Variants in FOLR3 observed in about 807,000 individuals in gnomAD.
FOLR3 encodes the protein folate receptor gamma.
FOLR3 carries 9 observed loss-of-function variants against 20.0 expected under a neutral mutation model. The ratio of observed to expected loss-of-function variants is 0.45; its 90% confidence interval spans 0.27 to 0.79. The LOEUF is 0.79. FOLR3 is among the 30% of genes least tolerant of loss of function. The pLI, the probability that FOLR3 is intolerant of heterozygous loss-of-function variation, is 0.15. For synonymous variants in FOLR3, 124 were observed against 115.5 expected, an observed-to-expected ratio of 1.07 and a Z score of -0.47; for missense variants, 309 against 323.5, an observed-to-expected ratio of 0.96 and a Z score of 0.34.
intron 4 of FOLR3, 43 bp from the exon 5 acceptor site, chr11:72,139,544 G>A (rs376092755): frequency 2.0e-4 from 327 of 1,612,790 alleles, no homozygotes; most frequent in African/African-American, 3.1e-4. Flanking sequence ...GGAGGGGTGC[G>A]GTCTGGCCCA....
chr11:72,137,911 A>G (rs1488404170), intron 2 of FOLR3, among the ~76,000 whole-genome samples: 1 of 152,048 alleles, frequency 6.6e-6, no homozygotes, highest in African/African-American at 2.4e-5. Context: ...TCCCTTCTAC[A>G]CACAGCCCAC....
intron 3 of FOLR3, 35 bp from the exon 4 acceptor site, chr11:72,139,312 G>A (rs1325995246): frequency 6.2e-7 from 1 of 1,603,484 alleles, no homozygotes; most frequent in Non-Finnish European, 8.5e-7. Context: ...TGAGATACGT[G>A]GCTGACAGGA....
At chr11:72,139,212 A>G (rs1350052471) in intron 3 of FOLR3, 63 bp downstream of exon 3, 14 of 1,569,782 alleles carry the variant, frequency 8.9e-6, no homozygotes, top group Non-Finnish European at 1.2e-5. Context: ...AGTTGCTGGC[A>G]GGGAGGGCTT....
rs1450315025 is a variant in FOLR3 at position 72,139,432 on chromosome 11, C to A, written c.443C>A (p.Thr148Asn). Residue 148 changes from threonine to asparagine, a missense_variant, in exon 4 of 5, where the codon ACC (threonine) becomes AAC (asparagine). Thr to Asn is a moderately conservative substitution (Grantham distance 65). Coordinates refer to ENST00000611028, the MANE Select transcript of FOLR3 (RefSeq NM_000804.4). ...DCERWWEDCR[T>N]SYTCKSNWHK... ...GAGCGCTGGTGGGAGGACTGTCGCACCTCCTACACCTGCAAAAGCAACTGG... is the reference window on the plus strand; with the variant it reads ...GAGCGCTGGTGGGAGGACTGTCGCAACTCCTACACCTGCAAAAGCAACTGG... 22 of 1,612,814 alleles carry A rather than the reference C, an allele frequency of 1.4e-5. No homozygotes were observed. Among genetic ancestry groups the A allele is most frequent in the Non-Finnish European group, 1.9e-5 (22 of 1,179,386 alleles).
At position 72,139,240 on chromosome 11, in the gene FOLR3, C is replaced by G. The variant is rs547251240; in HGVS notation, c.357+91C>G. 5.4e-4 allele frequency: 841 copies of G among 1,557,140 alleles called. 2 individuals are homozygous for G. Among genetic ancestry groups the G allele is most frequent in the Non-Finnish European group, 6.7e-4 (770 of 1,148,958 alleles). ...GAGGGCTTGGTCCAGGAATTCGGGT[C>G]TGAGGGTGGTGGACGCCCTGCCCCC... On this transcript the variant is annotated intron_variant, in intron 3 of 4. Coordinates refer to ENST00000611028, the MANE Select transcript of FOLR3 (RefSeq NM_000804.4).
chr11:72,137,736 C>A (rs113059621), intron 2 of FOLR3, among the ~76,000 whole-genome samples: 1 of 152,026 alleles, frequency 6.6e-6, no homozygotes, highest in African/African-American at 2.4e-5. Context: ...TCAGGTGATC[C>A]GCCCGCCTCC....
intron 2 of FOLR3, among the ~76,000 whole-genome samples, chr11:72,138,457 C>G (rs7926987): frequency 0.066 from 10,085 of 152,220 alleles, 448 homozygotes; most frequent in African/African-American, 0.11. Flanking sequence ...GTGGCTCTCC[C>G]TCATCTCCTA....
intron 2 of FOLR3, among the ~76,000 whole-genome samples, chr11:72,137,550 G>A (rs535206305): frequency 2.4e-4 from 37 of 151,778 alleles, no homozygotes; most frequent in African/African-American, 9.0e-4. Flanking sequence ...GGAATGCAAT[G>A]GCATGATCTT....
chr11:72,138,722 T>A (rs1947771601), intron 2 of FOLR3: 1 of 557,618 alleles, frequency 1.8e-6, no homozygotes, highest in South Asian at 2.0e-5. Context: ...CAGTGAGCTA[T>A]GATCACACCA....
intron 4 of FOLR3, 51 bp downstream of exon 4, chr11:72,139,533 G>A (rs943806145): frequency 1.2e-6 from 2 of 1,612,778 alleles, no homozygotes; most frequent in Non-Finnish European, 1.7e-6. Flanking sequence ...CTTTGGGGTT[G>A]GGAGGGGTGC....
chr11:72,138,146 C>A (rs1468461834), intron 2 of FOLR3, among the ~76,000 whole-genome samples: 3 of 152,184 alleles, frequency 2.0e-5, no homozygotes, highest in African/African-American at 7.2e-5. Flanking sequence ...GAGGGTGGAT[C>A]ACCTGAGGTC....
chr11:72,139,632 C>A lies in FOLR3; in HGVS notation c.539C>A (p.Ser180Tyr). 2 of 1,613,596 alleles carry A rather than the reference C, an allele frequency of 1.2e-6. No individual in the cohort carries two copies. Among genetic ancestry groups the A allele is most frequent in the Non-Finnish European group, 1.7e-6 (2 of 1,179,886 alleles). Residue 180 changes from serine to tyrosine, a missense_variant, in exon 5 of 5, where the codon TCC becomes TAC. Physicochemically the swap from Ser to Tyr is moderately radical, Grantham distance 144. Transcript: ENST00000611028. The stretch of plus-strand genomic sequence containing the variant: ...GGGGCCCTCTGCAGCACCTTTGAGT[C>A]CTACTTCCCCACTCCAGCCGCCCTT... Reference protein sequence around the residue: ...PAGALCSTFESYFPTPAALCE... With the variant: ...PAGALCSTFEYYFPTPAALCE...
chr11:72,139,444 G>T lies in FOLR3; in HGVS notation c.455G>T (p.Cys152Phe), dbSNP rs764608483. ...WWEDCRTSYT[C>F]KSNWHKGWNW... ...GAGGACTGTCGCACCTCCTACACCT[G>T]CAAAAGCAACTGGCACAAAGGCTGG... The change falls in exon 4 of 5, where the codon TGC (cysteine) becomes TTC (phenylalanine). Residue 152 changes from cysteine to phenylalanine, a missense_variant. By Grantham distance (205) the Cys-to-Phe change is radical. Coordinates refer to ENST00000611028, the MANE Select transcript of FOLR3 (RefSeq NM_000804.4). 5.6e-6 allele frequency: 9 copies of T among 1,613,188 alleles called. No homozygotes were observed. The highest frequency in any genetic ancestry group is 7.6e-6 in the Non-Finnish European group (9 of 1,179,504).
chr11:72,138,926 G>A (rs770241483), intron 2 of FOLR3, 35 bp from the exon 3 acceptor site: 1 of 1,608,802 alleles, frequency 6.2e-7, no homozygotes. Context: ...TGGCTGTGGT[G>A]GGGAGAGACT....
chr11:72,136,097 C>A lies in FOLR3; in HGVS notation c.145C>A (p.Pro49Thr), dbSNP rs999511898. The change falls in exon 2 of 5, where the codon CCC becomes ACC. Residue 49 changes from proline to threonine, a missense_variant. Transcript: ENST00000611028. ...CAAGCACCACAAGACACAGCCCAGC[C>A]CCGAGGACGAGCTGTATGGCCAGGT... ...NAKHHKTQPS[P>T]EDELYGQCSP... 3 of 1,614,102 alleles carry A rather than the reference C, an allele frequency of 1.9e-6. No individual in the cohort carries two copies. The highest frequency in any genetic ancestry group is 2.5e-6 in the Non-Finnish European group (3 of 1,179,954).
At chr11:72,139,518 TG>T (rs746071583) in intron 4 of FOLR3, 36 bp downstream of exon 4, 4 of 1,611,770 alleles carry the variant, frequency 2.5e-6, no homozygotes, top group Non-Finnish European at 3.4e-6. Context: ...GGAGTGGGAG[TG>T]GGGCTTTGGG....
chr11:72,137,813 G>T (rs1185837219), intron 2 of FOLR3, among the ~76,000 whole-genome samples: 1 of 152,066 alleles, frequency 6.6e-6, no homozygotes, highest in South Asian at 2.1e-4. Flanking sequence ...TGGGGGTAAG[G>T]ATTCGTACTG....
chr11:72,139,389 C>G lies in FOLR3; in HGVS notation c.400C>G (p.Leu134Val). ...WRKERILNVP[L>V]CKEDCERWWE... ...CAAAGAGCGCATTCTGAACGTGCCCCTGTGCAAAGAGGACTGTGAGCGCTG... is the reference window on the plus strand; with the variant it reads ...CAAAGAGCGCATTCTGAACGTGCCCGTGTGCAAAGAGGACTGTGAGCGCTG... The change falls in exon 4 of 5, where the codon CTG becomes GTG. Residue 134 changes from leucine to valine, a missense_variant. By Grantham distance (32) the Leu-to-Val change is conservative (BLOSUM62 1). Coordinates refer to ENST00000611028, the MANE Select transcript of FOLR3 (RefSeq NM_000804.4). 6.2e-7 allele frequency: 1 copy of G among 1,612,052 alleles called. No individual in the cohort carries two copies. The highest frequency in any genetic ancestry group is 8.5e-7 in the Non-Finnish European group (1 of 1,178,944).
intron 2 of FOLR3, 97 bp downstream of exon 2, chr11:72,136,217 T>C (rs1432202190): frequency 6.9e-6 from 10 of 1,458,798 alleles, no homozygotes; most frequent in Non-Finnish European, 9.5e-6. Context: ...AGGGTGCCGC[T>C]GCTGACAAGG....
Sources: allele counts gnomAD v4.1 joint callset (sites outside exome capture counted in the v4.1 genomes callset), GRCh38; gene constraint gnomAD v4.1.1; transcripts MANE v1.5; gene names NCBI Gene and HGNC (gene_info 2026-07-23, HGNC 2026-07-21).